Variants in RIMBP2 observed in about 807,000 individuals in gnomAD.
RIMBP2 encodes the protein RIMS-binding protein 2.
A neutral mutation model predicts 118.6 loss-of-function variants in RIMBP2; 48 were observed. The observed-to-expected ratio is 0.40, with a 90% confidence interval of 0.32 to 0.51. RIMBP2 has a LOEUF of 0.51. Ranked by LOEUF, RIMBP2 falls within the 20% of genes least tolerant of loss-of-function variation. RIMBP2 has a pLI of 0.41. For synonymous variants in RIMBP2, 762 were observed against 742.9 expected (o/e 1.03, Z -0.42); for missense variants, 1,551 against 1,768.3 (o/e 0.88, Z 2.20).
rs2137835510 is a variant in RIMBP2 at position 130,469,263 on chromosome 12, A to G, written c.153+1430T>C. The G allele has an allele frequency of 6.6e-6, 1 of 152,650 alleles. No homozygotes were observed. Among genetic ancestry groups the G allele is most frequent in the African/African-American group, 2.4e-5 (1 of 41,588 alleles). The allele number at this position is 152,650 out of a possible 1,614,324, so 9.5% of individuals were successfully genotyped here. On this transcript the variant is annotated intron_variant, in intron 6 of 22. Coordinates refer to ENST00000690449, the MANE Select transcript of RIMBP2 (RefSeq NM_001393629.1). This position sits in a 1 kb window ranked among gnomAD's most constrained non-coding sequence, Gnocchi z 4.8. ...TCCGAATTGCCTTGTTTTTCGAACC[A>G]AAGCACGCTGCGTTGCGACCGTCAC...
rs6486568 is a variant in RIMBP2, at chr12:130,681,646, C to T, written c.-352+34576G>A. 2.6e-3 allele frequency among the ~76,000 whole-genome samples: 400 copies of T among 152,234 alleles called. 4 individuals are homozygous for T. The highest frequency in any genetic ancestry group is 9.1e-3 in the African/African-American group (380 of 41,538). Reference sequence around the variant, plus strand: ...ATTGCCAGCCTTGGTAATTAAGATGCGATAACTCTTTATCCATCCCTCACA... The same window carrying T: ...ATTGCCAGCCTTGGTAATTAAGATGTGATAACTCTTTATCCATCCCTCACA... On this transcript the variant is annotated intron_variant, in intron 1 of 22. Transcript: ENST00000690449.
chr12:130,620,732 G>A lies in RIMBP2; in HGVS notation c.-217+7590C>T, dbSNP rs2061257826. 6.6e-6 allele frequency among the ~76,000 whole-genome samples: 1 copy of A among 152,204 alleles called. No homozygotes were observed. The highest frequency in any genetic ancestry group is 1.5e-5 in the Non-Finnish European group (1 of 68,038). On this transcript the variant is annotated intron_variant, in intron 2 of 22. Coordinates refer to ENST00000690449, the MANE Select transcript of RIMBP2 (RefSeq NM_001393629.1). The surrounding 1 kb of genome is among the most constrained non-coding windows in gnomAD (Gnocchi z 5.3). ...CCTCTCTGTAAGGACACCAGTCATAGTAGATTAAGGCCTAATCTAATGACC... is the reference window on the plus strand; with the variant it reads ...CCTCTCTGTAAGGACACCAGTCATAATAGATTAAGGCCTAATCTAATGACC...
chr12:130,539,964 C>G (rs373435437), intron 2 of RIMBP2, among the ~76,000 whole-genome samples: 3 of 102,564 alleles, frequency 2.9e-5, no homozygotes, highest in Admixed American at 9.9e-5. Flanking sequence ...ATGAGGTGGC[C>G]AGGTGTAGGA....
chr12:130,402,921 G>A (rs558651977), intron 21 of RIMBP2, among the ~76,000 whole-genome samples: 8 of 152,334 alleles, frequency 5.3e-5, no homozygotes, highest in African/African-American at 1.7e-4. Flanking sequence ...TTTAAAACAC[G>A]ATGGGGTGTT....
chr12:130,528,436 ACTGGGG>A (rs939694116), intron 2 of RIMBP2, among the ~76,000 whole-genome samples: 30 of 152,124 alleles, frequency 2.0e-4, no homozygotes, highest in African/African-American at 7.2e-4. Flanking sequence ...AACAACACAC[ACTGGGG>A]CCTGTTGGAG....
chr12:130,588,560 C>T (rs1214581757), intron 2 of RIMBP2, among the ~76,000 whole-genome samples: 5 of 152,186 alleles, frequency 3.3e-5, no homozygotes, highest in South Asian at 4.1e-4. Flanking sequence ...AAGGGAGACA[C>T]GCTGTTGGAG....
intron 4 of RIMBP2, among the ~76,000 whole-genome samples, chr12:130,497,547 C>T (rs1464074209): frequency 2.0e-5 from 3 of 152,148 alleles, no homozygotes; most frequent in Non-Finnish European, 2.9e-5. Flanking sequence ...GCGTTCTGGC[C>T]GTGGCTGTGA....
At chr12:130,530,800 C>T (rs913848875) in intron 2 of RIMBP2, among the ~76,000 whole-genome samples, 1 of 152,186 alleles carries the variant, frequency 6.6e-6, no homozygotes, top group African/African-American at 2.4e-5. Flanking sequence ...TCACCTTCTC[C>T]TTCCAACCTA....
intron 22 of RIMBP2, chr12:130,398,212 A>C (rs948779988): frequency 2.0e-5 from 3 of 152,224 alleles, no homozygotes; most frequent in African/African-American, 7.2e-5. Flanking sequence ...AGAGGGGTAG[A>C]CTTTTACTCT....
chr12:130,414,367 G>T, intron 17 of RIMBP2, 61 bp from the exon 18 acceptor site: 1 of 1,484,146 alleles, frequency 6.7e-7, no homozygotes, highest in Non-Finnish European at 9.1e-7. Flanking sequence ...AGCGTGCACG[G>T]GAAATGCAGC....
chr12:130,646,216 C>T (rs1246898753), intron 1 of RIMBP2, among the ~76,000 whole-genome samples: 1 of 78,088 alleles, frequency 1.3e-5, no homozygotes, highest in Non-Finnish European at 3.1e-5. Flanking sequence ...CCTCCCTCTC[C>T]ACCTCCCTCA....
chr12:130,475,866 G>A lies in RIMBP2; in HGVS notation c.102+3046C>T, dbSNP rs2081382455. 6.6e-6 allele frequency among the ~76,000 whole-genome samples: 1 copy of A among 152,186 alleles called. No individual in the cohort carries two copies. The highest frequency in any genetic ancestry group is 1.9e-4 in the East Asian group (1 of 5,160). ...TGCAGGTGTTGGTGAGGACAGAGGG[G>A]AGTTCTGTGTGGGACGTGGCGTCCG... On this transcript the variant is annotated intron_variant, in intron 5 of 22. Transcript: ENST00000690449. The surrounding 1 kb of genome is among the most constrained non-coding windows in gnomAD (Gnocchi z 4.1).
At chr12:130,629,735 A>G (rs1237248715) in intron 1 of RIMBP2, among the ~76,000 whole-genome samples, 1 of 152,184 alleles carries the variant, frequency 6.6e-6, no homozygotes, top group Non-Finnish European at 1.5e-5. Flanking sequence ...ACAATCCAAG[A>G]GCAAAGACCA....
chr12:130,665,049 T>C (rs2063859376), intron 1 of RIMBP2, among the ~76,000 whole-genome samples: 1 of 151,534 alleles, frequency 6.6e-6, no homozygotes, highest in South Asian at 2.1e-4. Context: ...CTCCACTCAC[T>C]CACCAAACCC....
rs1231971705 is a variant in RIMBP2, at chr12:130,451,357, A to C, written c.359-17T>G. ...TCTCCTGACCTGGCCACGAACATTA[A>C]AACAAGTTGAAACAAATATGCGAAT... On this transcript the variant is annotated splice_polypyrimidine_tract_variant and intron_variant, in intron 7 of 22. Coordinates refer to ENST00000690449, the MANE Select transcript of RIMBP2 (RefSeq NM_001393629.1). 14 of 1,586,772 alleles carry C rather than the reference A, an allele frequency of 8.8e-6. No homozygotes were observed. The highest frequency in any genetic ancestry group is 1.1e-5 in the Non-Finnish European group (13 of 1,160,864).
chr12:130,504,780 G>T (rs1017327568), intron 4 of RIMBP2, among the ~76,000 whole-genome samples: 3 of 152,128 alleles, frequency 2.0e-5, no homozygotes, highest in African/African-American at 4.8e-5. Flanking sequence ...GTGGGACCAG[G>T]TGATAATCTG....
chr12:130,435,085 G>A (rs1408453571), intron 13 of RIMBP2, among the ~76,000 whole-genome samples: 3 of 150,424 alleles, frequency 2.0e-5, no homozygotes, highest in Non-Finnish European at 3.0e-5. Flanking sequence ...TCACTCTGTC[G>A]CCCAGGCTGG....
rs1464779193 is a variant in RIMBP2, at chr12:130,649,241, C to CTTT, written c.-351-20786_-351-20785insAAA. ...AAGCCAGCCTCTAGGCCAAGTAAGG[C>CTTT]GCTGGAATGTGGGGCTTGCTGCGAC... On this transcript the variant is annotated intron_variant, in intron 1 of 22. Coordinates refer to ENST00000690449, the MANE Select transcript of RIMBP2 (RefSeq NM_001393629.1). Among the ~76,000 whole-genome samples, 15 of 147,942 alleles carry CTTT rather than the reference C, an allele frequency of 1.0e-4. 1 individual carries two copies. The highest frequency in any genetic ancestry group is 3.4e-4 in the Admixed American group (5 of 14,846).
intron 2 of RIMBP2, among the ~76,000 whole-genome samples, chr12:130,571,660 A>G (rs2057672190): frequency 6.6e-6 from 1 of 151,926 alleles, no homozygotes; most frequent in African/African-American, 2.4e-5. Context: ...GTAACCTCTT[A>G]ATGCTCAGAC....
Sources: gnomAD v4.1 joint callset for allele counts (sites outside exome capture counted in the v4.1 genomes callset) on GRCh38, gnomAD v4.1.1 for gene constraint, Gnocchi (gnomAD v3.1) non-coding constraint, MANE v1.5 for transcripts, NCBI Gene and HGNC (gene_info 2026-07-23, HGNC 2026-07-21) for gene names.